Variants in FFAR2 observed in about 807,000 individuals in gnomAD.
FFAR2 encodes the protein G-protein coupled receptor 43.
For synonymous variants in FFAR2, 193 were observed against 189.9 expected (o/e 1.02, Z -0.13); for missense variants, 421 against 428.9 (o/e 0.98, Z 0.16).
chr19:35,450,530 C>G lies in FFAR2; in HGVS notation c.816C>G (p.Leu272=). The G allele has an allele frequency of 6.2e-7, 1 of 1,614,162 alleles. No individual in the cohort carries two copies. Among genetic ancestry groups the G allele is most frequent in the Non-Finnish European group, 8.5e-7 (1 of 1,179,992 alleles). The change falls in exon 2 of 2, where the codon CTC becomes CTG. Residue 272 remains leucine (L), a synonymous_variant. Transcript: ENST00000599180. ...TCAACGCCAGTCTGGACCCCCTGCT[C>G]TTCTATTTCTCTTCTTCAGTGGTGC... is the stretch of plus-strand genomic sequence containing the variant. The part of the protein sequence containing the change: ...SSLNASLDPL[L]FYFSSSVVRR...
At chr19:35,448,476 C>T (rs1490280819) in intron 1 of FFAR2, 97 bp downstream of exon 1, 1 of 152,222 alleles carries the variant, frequency 6.6e-6, no homozygotes, top group Non-Finnish European at 1.5e-5. Context: ...ATGTCAGAAC[C>T]AAATGGAAGA....
At chr19:35,449,165 G>T (rs34607697) in intron 1 of FFAR2, among the ~76,000 whole-genome samples, 1 of 152,080 alleles carries the variant, frequency 6.6e-6, no homozygotes, top group Non-Finnish European at 1.5e-5. Context: ...GACAAGGTGG[G>T]GGAGAATCTG....
rs1214793306 is a variant in FFAR2 at position 35,450,943 on chromosome 19, C to G, written c.*236C>G. 2.1e-6 allele frequency: 1 copy of G among 471,648 alleles called. No individual in the cohort carries two copies. Among genetic ancestry groups the G allele is most frequent in the African/African-American group, 1.9e-5 (1 of 51,622 alleles). 29.2% of individuals were successfully genotyped at this position (471,648 alleles called of 1,614,324 possible). A position where few individuals can be genotyped will look rare whatever the true frequency, so the allele number is the denominator to read the frequency against. The stretch of plus-strand genomic sequence containing the variant: ...AGTAGTTAGGTATAGAAGCACCTGC[C>G]GGGTGTGGTGGCTCATGCCTATAAT... On this transcript the variant is annotated 3_prime_UTR_variant, in exon 2 of 2. Transcript: ENST00000599180.
At chr19:35,448,480 T>C (rs145808538) in intron 1 of FFAR2, 101 bp downstream of exon 1, 311 of 152,262 alleles carry the variant, frequency 2.0e-3, no homozygotes, top group African/African-American at 7.3e-3. Flanking sequence ...CAGAACCAAA[T>C]GGAAGACTCA....
Position 35,450,748 on chromosome 19 carries a change from G to C in FFAR2, c.*41G>C. On this transcript the variant is annotated 3_prime_UTR_variant, in exon 2 of 2. Transcript: ENST00000599180. ...TTCAGAGGTCGCCTGGGTTACACAG[G>C]AGCTGGGAAGCCTGGGAGAGGCGGA... is the stretch of plus-strand genomic sequence containing the variant. 1 of 1,574,810 alleles carries C rather than the reference G, an allele frequency of 6.3e-7. No individual in the cohort carries two copies. The highest frequency in any genetic ancestry group is 1.2e-5 in the South Asian group (1 of 85,932).
rs765029439 is a variant in FFAR2 at position 35,450,178 on chromosome 19, A to C, written c.464A>C (p.Gln155Pro). Reference protein sequence around the residue: ...IIVQYLNTTEQVRSGNEITCY... With the variant: ...IIVQYLNTTEPVRSGNEITCY... ...GTTCAATACTTGAACACGACTGAGC[A>C]GGTCAGAAGTGGCAATGAAATTACC... Residue 155 changes from glutamine to proline, a missense_variant, in exon 2 of 2, where the codon CAG (glutamine) becomes CCG (proline). Coordinates refer to ENST00000599180, the MANE Select transcript of FFAR2 (RefSeq NM_001370087.1). 6.2e-7 allele frequency: 1 copy of C among 1,614,240 alleles called. No homozygotes were observed. The highest frequency in any genetic ancestry group is 1.1e-5 in the South Asian group (1 of 91,092).
Position 35,450,605 on chromosome 19 carries a change from C to T in FFAR2, c.891C>T (p.Ser297=). ...GLQVLRNQGS[S]LLGRRGKDTA... is the part of the protein sequence containing the mutation. The stretch of plus-strand genomic sequence containing the variant: ...AGGTGCTGCGGAATCAGGGCTCCTC[C>T]CTGTTGGGACGCAGAGGCAAAGACA... The change falls in exon 2 of 2, where the codon TCC becomes TCT. Residue 297 remains serine (S), a synonymous_variant. Transcript: ENST00000599180. The T allele has an allele frequency of 6.2e-7, 1 of 1,614,174 alleles. No individual in the cohort carries two copies. Among genetic ancestry groups the T allele is most frequent in the Non-Finnish European group, 8.5e-7 (1 of 1,180,032 alleles).
In FFAR2 at chr19:35,451,684, C is replaced by T. The variant is rs1454552348; in HGVS notation, c.*977C>T. ...ACAGGCCAGGATGTGGTTTGGTACC[C>T]AGCAATCAGAGATTGGCACTCCCTC... On this transcript the variant is annotated 3_prime_UTR_variant, in exon 2 of 2. Transcript: ENST00000599180. 2 of 152,172 alleles carry T rather than the reference C, an allele frequency of 1.3e-5. No homozygotes were observed. Among genetic ancestry groups the T allele is most frequent in the African/African-American group, 4.8e-5 (2 of 41,416 alleles). 9.4% of individuals were successfully genotyped at this position (152,172 alleles called of 1,614,324 possible). A position where few individuals can be genotyped will look rare whatever the true frequency, so the allele number is the denominator to read the frequency against.
chr19:35,450,909 G>A lies in FFAR2; in HGVS notation c.*202G>A. The A allele has an allele frequency of 3.4e-6, 2 of 585,288 alleles. No homozygotes were observed. The highest frequency in any genetic ancestry group is 6.0e-6 in the Non-Finnish European group (2 of 335,638). 36.3% of individuals were successfully genotyped at this position (585,288 alleles called of 1,614,324 possible). A position where few individuals can be genotyped will look rare whatever the true frequency, so the allele number is the denominator to read the frequency against. The stretch of plus-strand genomic sequence containing the variant: ...ACTCAAAGGAGCATAAGTCAGAGAT[G>A]CACGAAGAAGTAGTTAGGTATAGAA... On this transcript the variant is annotated 3_prime_UTR_variant, in exon 2 of 2. Coordinates refer to ENST00000599180, the MANE Select transcript of FFAR2 (RefSeq NM_001370087.1).
At position 35,450,815 on chromosome 19, in the gene FFAR2, G is replaced by A; in HGVS notation, c.*108G>A. 1 of 1,187,326 alleles carries A rather than the reference G, an allele frequency of 8.4e-7. No individual in the cohort carries two copies. The allele number at this position is 1,187,326 out of a possible 1,614,324, so 73.5% of individuals were successfully genotyped here. A position where few individuals can be genotyped will look rare whatever the true frequency, so the allele number is the denominator to read the frequency against. ...CCAGATTCAGAAATCCTTAGACCCA[G>A]CCCAGGACTGCGACTTTGAAAAAAA... On this transcript the variant is annotated 3_prime_UTR_variant, in exon 2 of 2. Transcript: ENST00000599180.
Position 35,450,064 on chromosome 19 carries a change from A to G in FFAR2, c.350A>G (p.Tyr117Cys), listed in dbSNP as rs772806044. ...CTGGGAGTGGCTTTCCCCGTGCAGT[A>G]CAAGCTCTCCCGCCGGCCTCTGTAT... ...RYLGVAFPVQ[Y>C]KLSRRPLYGV... is the part of the protein sequence containing the mutation. The change falls in exon 2 of 2, where the codon TAC (tyrosine) becomes TGC (cysteine). Residue 117 changes from tyrosine (Y) to cysteine (C), a missense_variant. By Grantham distance (194) the Tyr-to-Cys change is radical (BLOSUM62 -2). Transcript: ENST00000599180. 2 of 1,614,164 alleles carry G rather than the reference A, an allele frequency of 1.2e-6. No homozygotes were observed. The highest frequency in any genetic ancestry group is 1.7e-6 in the Non-Finnish European group (2 of 1,180,036).
intron 1 of FFAR2, 97 bp from the exon 2 acceptor site, chr19:35,449,617 A>T: frequency 2.3e-6 from 3 of 1,308,154 alleles, no homozygotes; most frequent in South Asian, 1.4e-5. Flanking sequence ...TGGGAAGGGG[A>T]CGGTGCCGGG....
At position 35,451,549 on chromosome 19, in the gene FFAR2, G is replaced by C. The variant is rs1013289656; in HGVS notation, c.*842G>C. On this transcript the variant is annotated 3_prime_UTR_variant, in exon 2 of 2. Coordinates refer to ENST00000599180, the MANE Select transcript of FFAR2 (RefSeq NM_001370087.1). ...GGGTTTCCCTGCATTGGTTTGACCT[G>C]TTGCCTTTTTGATGTGCTCTGTTTG... is the stretch of plus-strand genomic sequence containing the variant. 6.6e-6 allele frequency: 1 copy of C among 152,306 alleles called. No individual in the cohort carries two copies. Among genetic ancestry groups the C allele is most frequent in the Non-Finnish European group, 1.5e-5 (1 of 68,114 alleles). The allele number at this position is 152,306 out of a possible 1,614,324, so 9.4% of individuals were successfully genotyped here. A position where few individuals can be genotyped will look rare whatever the true frequency, so the allele number is the denominator to read the frequency against.
Position 35,449,828 on chromosome 19 carries a change from GC to G in FFAR2, c.118del (p.Gln40SerfsTer10), listed in dbSNP as rs772920545. The G allele has an allele frequency of 3.7e-6, 6 of 1,613,692 alleles. No homozygotes were observed. In the Admixed American group the frequency reaches 1.0e-4, roughly 27 times the overall value. On this transcript the variant is annotated frameshift_variant, in exon 2 of 2. Transcript: ENST00000599180. LOFTEE classifies it low-confidence loss of function (END_TRUNC). The stretch of plus-strand genomic sequence containing the variant: ...GGGCCTTTGTGGGGCGGATCCGCCA[GC>G]CCCAGCCTGCACCTGTGCACATCCT... ...LRAFVGRIRQ[P>X]QPAPVHILLL...
At position 35,450,199 on chromosome 19, in the gene FFAR2, T is replaced by G; in HGVS notation, c.485T>G (p.Ile162Ser). 6.2e-7 allele frequency: 1 copy of G among 1,614,130 alleles called. No homozygotes were observed. Among genetic ancestry groups the G allele is most frequent in the Non-Finnish European group, 8.5e-7 (1 of 1,180,022 alleles). Residue 162 changes from isoleucine (I) to serine (S), a missense_variant, in exon 2 of 2, where the codon ATT (isoleucine) becomes AGT (serine). Coordinates refer to ENST00000599180, the MANE Select transcript of FFAR2 (RefSeq NM_001370087.1). Reference protein sequence around the residue: ...TTEQVRSGNEITCYENFTDNQ... With the variant: ...TTEQVRSGNESTCYENFTDNQ... The stretch of plus-strand genomic sequence containing the variant: ...GAGCAGGTCAGAAGTGGCAATGAAA[T>G]TACCTGCTACGAGAACTTCACCGAT...
Position 35,449,779 on chromosome 19 carries a change from T to TCCCTGCCAACCTCCTGGCCC in FFAR2, c.66_85dup (p.Leu29ProfsTer28). The TCCCTGCCAACCTCCTGGCCC allele has an allele frequency of 1.2e-6, 2 of 1,605,152 alleles. No homozygotes were observed. The highest frequency in any genetic ancestry group is 1.7e-6 in the Non-Finnish European group (2 of 1,176,334). ...TACATCATCATCTTCCTCACTGGCC[T>TCCCTGCCAACCTCCTGGCCC]CCCTGCCAACCTCCTGGCCCTGCGG... On this transcript the variant is annotated frameshift_variant, in exon 2 of 2. Coordinates refer to ENST00000599180, the MANE Select transcript of FFAR2 (RefSeq NM_001370087.1). LOFTEE classifies it low-confidence loss of function (END_TRUNC).
chr19:35,450,697 C>G lies in FFAR2; in HGVS notation c.983C>G (p.Thr328Ser). ...QGEGMPSSDF[T>S]TE ...GAAGGGATGCCAAGTTCGGACTTCA[C>G]TACAGAGTAGCAGTTTCCCTGGACC... Residue 328 changes from threonine (T) to serine (S), a missense_variant, in exon 2 of 2, where the codon ACT becomes AGT. By Grantham distance (58) the Thr-to-Ser change is moderately conservative (BLOSUM62 1). Coordinates refer to ENST00000599180, the MANE Select transcript of FFAR2 (RefSeq NM_001370087.1). The G allele has an allele frequency of 6.2e-7, 1 of 1,612,718 alleles. No individual in the cohort carries two copies. The highest frequency in any genetic ancestry group is 8.5e-7 in the Non-Finnish European group (1 of 1,178,928).
rs185147923 is a variant in FFAR2 at position 35,451,253 on chromosome 19, T to G, written c.*546T>G. Reference sequence around the variant, plus strand: ...AAAAAAAAAAAAAAAAGAAGCACCTTCAGGCTGGAGAAGCAGCGTAGCTAA... The same window carrying G: ...AAAAAAAAAAAAAAAAGAAGCACCTGCAGGCTGGAGAAGCAGCGTAGCTAA... On this transcript the variant is annotated 3_prime_UTR_variant, in exon 2 of 2. Transcript: ENST00000599180. 1 of 150,532 alleles carries G rather than the reference T, an allele frequency of 6.6e-6. No individual in the cohort carries two copies. The highest frequency in any genetic ancestry group is 2.0e-4 in the East Asian group (1 of 5,092). 9.3% of individuals were successfully genotyped at this position (150,532 alleles called of 1,614,324 possible).
chr19:35,448,573 G>A (rs1303756053), intron 1 of FFAR2, among the ~76,000 whole-genome samples, 194 bp downstream of exon 1: 1 of 152,146 alleles, frequency 6.6e-6, no homozygotes, highest in Non-Finnish European at 1.5e-5. Context: ...GACAGGACCT[G>A]GGTTGGGGCC....
Sources: allele counts gnomAD v4.1 joint callset (sites outside exome capture counted in the v4.1 genomes callset), GRCh38; gene constraint gnomAD v4.1.1; transcripts MANE v1.5; gene names NCBI Gene and HGNC (gene_info 2026-07-23, HGNC 2026-07-21).